FYN: variants seen among roughly 807,000 people sequenced by gnomAD.
FYN encodes the protein FYN proto-oncogene, Src family tyrosine kinase, also known as tyrosine-protein kinase Fyn.
FYN carries 10 observed loss-of-function variants against 70.2 expected under a neutral mutation model. That is an observed-to-expected ratio of 0.14 (90% CI 0.09 to 0.24). FYN has a LOEUF of 0.24. Among genes scored for constraint, FYN ranks in the 10% least tolerant of loss-of-function variants. The probability of loss-of-function intolerance (pLI) is 1.00; values close to 1 mark genes in which losing one functional copy is unlikely to be tolerated. For missense variants in FYN, 319 were observed against 673.1 expected (o/e 0.47, Z 5.82); for synonymous variants, 236 against 248.6 (o/e 0.95, Z 0.48).
At chr6:111,866,119 A>G (rs2114533152) in intron 1 of FYN, among the ~76,000 whole-genome samples, 1 of 152,336 alleles carries the variant, frequency 6.6e-6, no homozygotes, top group Middle Eastern at 3.4e-3. Context: ...CATATGGATT[A>G]ACAACAGCAG....
intron 3 of FYN, among the ~76,000 whole-genome samples, chr6:111,771,697 T>C (rs529545671): frequency 1.3e-5 from 2 of 152,378 alleles, no homozygotes; most frequent in East Asian, 3.9e-4. Flanking sequence ...AACTGGCAAC[T>C]GGGCTGGTGA....
At position 111,678,830 on chromosome 6, in the gene FYN, T is replaced by C. The variant is rs562821185; in HGVS notation, c.1274-4200A>G. 2.5e-3 allele frequency among the ~76,000 whole-genome samples: 385 copies of C among 152,302 alleles called. 2 individuals carry two copies. Among genetic ancestry groups the C allele is most frequent in the African/African-American group, 8.8e-3 (367 of 41,564 alleles). On this transcript the variant is annotated intron_variant, in intron 12 of 13. Transcript: ENST00000354650. ...CTCAGATCCCAGCACAGGGCCTGCC[T>C]ATTGAAGGAGGTCAATACATCTTTA...
At chr6:111,806,637 G>C (rs1772158909) in intron 2 of FYN, among the ~76,000 whole-genome samples, 3 of 152,224 alleles carry the variant, frequency 2.0e-5, no homozygotes, top group Admixed American at 2.0e-4. Context: ...TGGAGCTGCT[G>C]AATGTCCCGG....
At chr6:111,865,908 T>C (rs1449506536) in intron 1 of FYN, among the ~76,000 whole-genome samples, 2 of 152,252 alleles carry the variant, frequency 1.3e-5, no homozygotes, top group Non-Finnish European at 2.9e-5. Context: ...AGGTGCTGCA[T>C]TTCTTACTAA....
At chr6:111,820,672 C>T (rs761589613) in intron 2 of FYN, among the ~76,000 whole-genome samples, 42 of 151,876 alleles carry the variant, frequency 2.8e-4, no homozygotes, top group Non-Finnish European at 5.1e-4. Context: ...TTTACAGGTA[C>T]GTATAGACAA....
intron 2 of FYN, among the ~76,000 whole-genome samples, chr6:111,783,588 C>T (rs1268558499): frequency 3.3e-5 from 5 of 152,342 alleles, no homozygotes; most frequent in Middle Eastern, 3.4e-3. Context: ...AGTGCTCCCA[C>T]GTAACAATTC....
At chr6:111,856,741 C>A (rs867190735) in intron 1 of FYN, among the ~76,000 whole-genome samples, 32 of 151,996 alleles carry the variant, frequency 2.1e-4, no homozygotes, top group African/African-American at 3.9e-4. Context: ...TTGGCTCCCC[C>A]CCGACACACA....
intron 6 of FYN, among the ~76,000 whole-genome samples, chr6:111,707,127 G>C (rs1215416897): frequency 1.3e-5 from 2 of 152,146 alleles, no homozygotes; most frequent in Admixed American, 6.5e-5. Context: ...CCTTTTTAGA[G>C]AGGCAAGACC....
At chr6:111,713,850 T>A (rs1800499134) in intron 5 of FYN, among the ~76,000 whole-genome samples, 1 of 152,224 alleles carries the variant, frequency 6.6e-6, no homozygotes, top group Non-Finnish European at 1.5e-5. Context: ...AAATTTTTGT[T>A]ATAGGGAAAC....
intron 5 of FYN, among the ~76,000 whole-genome samples, chr6:111,712,549 G>C (rs1036248779): frequency 3.3e-5 from 5 of 152,104 alleles, no homozygotes; most frequent in African/African-American, 1.2e-4. Context: ...ACCTCGCCCT[G>C]GGCTCTGCCA....
At chr6:111,672,879 A>AG (rs1798348933) in intron 13 of FYN, among the ~76,000 whole-genome samples, 2 of 152,252 alleles carry the variant, frequency 1.3e-5, no homozygotes, top group East Asian at 3.9e-4. Context: ...AAACCTGACA[A>AG]AAGACTCCCT....
intron 2 of FYN, among the ~76,000 whole-genome samples, chr6:111,837,675 T>C (rs1270580602): frequency 6.6e-6 from 1 of 152,238 alleles, no homozygotes; most frequent in African/African-American, 2.4e-5. Context: ...CACGGCACTT[T>C]GTGCCTCCAC....
chr6:111,668,829 G>A (rs940367364), intron 13 of FYN, among the ~76,000 whole-genome samples: 2 of 152,090 alleles, frequency 1.3e-5, no homozygotes, highest in Non-Finnish European at 1.5e-5. Context: ...ACGCACCCTC[G>A]GCTAAGATGA....
At chr6:111,681,666 C>G (rs984729757) in intron 12 of FYN, among the ~76,000 whole-genome samples, 1 of 152,186 alleles carries the variant, frequency 6.6e-6, no homozygotes, top group Admixed American at 6.5e-5. Flanking sequence ...CCAGCCTTCA[C>G]TAATCTCTCC....
chr6:111,760,807 C>A (rs1802974354), intron 3 of FYN, among the ~76,000 whole-genome samples: 1 of 152,196 alleles, frequency 6.6e-6, no homozygotes, highest in African/African-American at 2.4e-5. Flanking sequence ...GAAATGCCAA[C>A]CTTTTGATTC....
At chr6:111,697,718 T>C (rs955586985) in intron 9 of FYN, among the ~76,000 whole-genome samples, 6 of 152,370 alleles carry the variant, frequency 3.9e-5, no homozygotes, top group East Asian at 1.9e-4. Context: ...ACAAACTTCG[T>C]CAATTACACA....
intron 2 of FYN, among the ~76,000 whole-genome samples, chr6:111,818,241 G>C (rs907154052): frequency 5.3e-5 from 8 of 152,254 alleles, no homozygotes; most frequent in African/African-American, 1.9e-4. Flanking sequence ...GGACCACTGG[G>C]AGAAAACATA....
chr6:111,816,522 T>C (rs1034370235), intron 2 of FYN, among the ~76,000 whole-genome samples: 1 of 152,182 alleles, frequency 6.6e-6, no homozygotes, highest in Non-Finnish European at 1.5e-5. Context: ...CAAAGAAAAG[T>C]GTACTCCATA....
chr6:111,835,170 T>C (rs1198485819), intron 2 of FYN, among the ~76,000 whole-genome samples: 2 of 152,234 alleles, frequency 1.3e-5, no homozygotes, highest in South Asian at 2.1e-4. Context: ...TGTTTTTTCA[T>C]TTCAATTTTT....
Sources: gnomAD v4.1 joint callset for allele counts (sites outside exome capture counted in the v4.1 genomes callset) on GRCh38, gnomAD v4.1.1 for gene constraint, MANE v1.5 for transcripts, NCBI Gene and HGNC (gene_info 2026-07-23, HGNC 2026-07-21) for gene names.